Variants in PTPRT observed in about 807,000 individuals in gnomAD.
PTPRT encodes the protein protein tyrosine phosphatase receptor type T.
A neutral mutation model predicts 176.8 loss-of-function variants in PTPRT; 56 were observed. The observed-to-expected ratio is 0.32, with a 90% CI of 0.26 to 0.40. PTPRT has a LOEUF of 0.40. PTPRT is among the 10% of genes least tolerant of loss of function. PTPRT has a pLI of 1.00. For synonymous variants in PTPRT, 783 were observed against 739.0 expected (o/e 1.06, Z -0.96); for missense variants, 1,540 against 1,908.2 (o/e 0.81, Z 3.60).
chr20:42,364,354 C>T (rs2058485528), intron 9 of PTPRT, among the ~76,000 whole-genome samples: 1 of 152,142 alleles, frequency 6.6e-6, no homozygotes, highest in South Asian at 2.1e-4. Flanking sequence ...CTAAATTAGG[C>T]ATTAGGAAAG....
intron 1 of PTPRT, among the ~76,000 whole-genome samples, chr20:43,159,010 G>A (rs537036238): frequency 1.2e-3 from 187 of 152,336 alleles, no homozygotes; most frequent in Middle Eastern, 3.4e-3. Context: ...TTAAGATGAG[G>A]ATAAGGGAAC....
chr20:43,136,614 A>T (rs904189806), intron 1 of PTPRT, among the ~76,000 whole-genome samples: 1 of 152,170 alleles, frequency 6.6e-6, no homozygotes, highest in African/African-American at 2.4e-5. Context: ...TACTACACAC[A>T]TGCACAGTAC....
At chr20:42,323,329 T>G (rs1041319411) in intron 11 of PTPRT, among the ~76,000 whole-genome samples, 2 of 152,210 alleles carry the variant, frequency 1.3e-5, no homozygotes, top group African/African-American at 4.8e-5. Context: ...ATTGCGGCAC[T>G]ATTCACAATA....
intron 9 of PTPRT, among the ~76,000 whole-genome samples, chr20:42,402,429 T>G (rs1356987509): frequency 6.7e-6 from 1 of 148,450 alleles, no homozygotes; most frequent in African/African-American, 2.5e-5. Flanking sequence ...GCAAAGAAAT[T>G]TATATGATCA....
intron 12 of PTPRT, among the ~76,000 whole-genome samples, chr20:42,304,012 T>G (rs549203969): frequency 4.5e-4 from 68 of 152,324 alleles, no homozygotes; most frequent in African/African-American, 1.5e-3. Flanking sequence ...ATTGCATTTA[T>G]GGGTTTGCAA....
chr20:43,075,183 G>C (rs1452388638), intron 1 of PTPRT, among the ~76,000 whole-genome samples: 1 of 152,204 alleles, frequency 6.6e-6, no homozygotes, highest in Admixed American at 6.5e-5. Context: ...AAAGTTTTAA[G>C]AACTATGAGT....
At chr20:42,373,481 T>C (rs1183724204) in intron 9 of PTPRT, among the ~76,000 whole-genome samples, 1 of 152,204 alleles carries the variant, frequency 6.6e-6, no homozygotes, top group East Asian at 1.9e-4. Flanking sequence ...AATCCACTCC[T>C]TTTTGATTGT....
chr20:42,807,638 C>A (rs2077631170), intron 2 of PTPRT, among the ~76,000 whole-genome samples: 11 of 152,080 alleles, frequency 7.2e-5, no homozygotes, highest in Admixed American at 7.2e-4. Context: ...ATACTACGAC[C>A]CAGGGCCAAA....
At chr20:42,680,081 T>C (rs1217935893) in intron 6 of PTPRT, among the ~76,000 whole-genome samples, 1 of 152,206 alleles carries the variant, frequency 6.6e-6, no homozygotes, top group Admixed American at 6.5e-5. Context: ...GTTATTCACA[T>C]GGATAGAAGG....
intron 7 of PTPRT, among the ~76,000 whole-genome samples, chr20:42,481,167 G>C (rs535471400): frequency 2.6e-5 from 4 of 152,162 alleles, no homozygotes; most frequent in African/African-American, 9.6e-5. Context: ...AAATAGGTGT[G>C]GCTGAGTTTC....
At chr20:42,180,970 C>T (rs931912142) in intron 16 of PTPRT, among the ~76,000 whole-genome samples, 25 of 151,982 alleles carry the variant, frequency 1.6e-4, no homozygotes, top group African/African-American at 6.0e-4. Context: ...ACCTCAATCT[C>T]CACATGTGTG....
At chr20:42,422,420 A>C (rs2059126536) in intron 9 of PTPRT, among the ~76,000 whole-genome samples, 1 of 152,230 alleles carries the variant, frequency 6.6e-6, no homozygotes, top group Non-Finnish European at 1.5e-5. Flanking sequence ...AAAAGAAGAC[A>C]ACAGGCGGCA....
intron 8 of PTPRT, among the ~76,000 whole-genome samples, chr20:42,450,198 G>C (rs891303774): frequency 6.6e-6 from 1 of 152,192 alleles, no homozygotes; most frequent in Non-Finnish European, 1.5e-5. Context: ...CATGCTTATA[G>C]GTAAGTATGC....
chr20:42,382,427 A>G (rs1365067420), intron 9 of PTPRT, among the ~76,000 whole-genome samples: 1 of 152,108 alleles, frequency 6.6e-6, no homozygotes, highest in Non-Finnish European at 1.5e-5. Flanking sequence ...GCCTGGGTAC[A>G]CCATTGGCAG....
intron 1 of PTPRT, among the ~76,000 whole-genome samples, chr20:42,963,118 G>A (rs1229539041): frequency 6.6e-6 from 1 of 152,116 alleles, no homozygotes; most frequent in African/African-American, 2.4e-5. Flanking sequence ...AGAATGGCGT[G>A]AACCCGGGAG....
intron 6 of PTPRT, among the ~76,000 whole-genome samples, chr20:42,708,041 T>C (rs1190025678): frequency 1.3e-5 from 2 of 152,196 alleles, no homozygotes; most frequent in Non-Finnish European, 2.9e-5. Flanking sequence ...TGTATGCAAT[T>C]ATTAAATTAT....
chr20:42,293,174 A>T (rs1334295852), intron 12 of PTPRT, among the ~76,000 whole-genome samples: 2 of 152,236 alleles, frequency 1.3e-5, no homozygotes, highest in African/African-American at 2.4e-5. Context: ...CGGAAAATTT[A>T]AAATCAAACC....
intron 7 of PTPRT, among the ~76,000 whole-genome samples, chr20:42,617,657 T>A (rs1286452784): frequency 7.2e-6 from 1 of 138,772 alleles, no homozygotes; most frequent in Non-Finnish European, 1.5e-5. Flanking sequence ...TTCTTCCTGG[T>A]TTAGTCTTGG....
intron 16 of PTPRT, among the ~76,000 whole-genome samples, chr20:42,177,750 G>T (rs1205693288): frequency 1.3e-5 from 2 of 152,118 alleles, no homozygotes; most frequent in African/African-American, 4.8e-5. Context: ...GGGGGGGCAG[G>T]ATAGCACCTA....
Sources: allele counts gnomAD v4.1 joint callset (sites outside exome capture counted in the v4.1 genomes callset), GRCh38; gene constraint gnomAD v4.1.1; transcripts MANE v1.5; gene names NCBI Gene and HGNC (gene_info 2026-07-23, HGNC 2026-07-21).